Variants in CHURC1 observed in about 807,000 individuals in gnomAD.
CHURC1 encodes the protein protein Churchill.
Under a neutral mutation model 15.4 loss-of-function variants are expected in CHURC1, and 12 were observed. The observed-to-expected ratio is 0.78, with a 90% CI of 0.50 to 1.27. CHURC1 has a LOEUF of 1.27. Among genes scored for constraint, CHURC1 ranks in the 50% most tolerant of loss-of-function variants. The pLI, the probability that CHURC1 is intolerant of heterozygous loss-of-function variation, is 0.00. For missense variants in CHURC1, 132 were observed against 137.8 expected, an observed-to-expected ratio of 0.96 and a Z score of 0.21; for synonymous variants, 42 against 47.5, an observed-to-expected ratio of 0.88 and a Z score of 0.48.
rs1885212280 is a variant in CHURC1, at chr14:64,934,015, C to T, written c.*1785C>T. 2 of 974,902 alleles carry T rather than the reference C, an allele frequency of 2.1e-6. No individual in the cohort carries two copies. The highest frequency in any genetic ancestry group is 2.4e-6 in the Non-Finnish European group (2 of 827,670). The allele number at this position is 974,902 out of a possible 1,614,324, so 60.4% of individuals were successfully genotyped here. On this transcript the variant is annotated 3_prime_UTR_variant, in exon 4 of 4. Transcript: ENST00000549115. ...TTCACTATTCTTTATTTCAGTGTAG[C>T]ACTTTTAGAGCCAAAAAAACTCAGG...
In CHURC1 at chr14:64,925,690, C is replaced by T. The variant is rs538740272; in HGVS notation, c.176-320C>T. Among the ~76,000 whole-genome samples the T allele has an allele frequency of 1.5e-4, 17 of 110,904 alleles. No individual in the cohort carries two copies. In the East Asian group the frequency reaches 2.0e-3, roughly 13 times the overall value. 72.8% of individuals were successfully genotyped at this position (110,904 alleles called of 152,430 possible). A position where few individuals can be genotyped will look rare whatever the true frequency, so the allele number is the denominator to read the frequency against. On this transcript the variant is annotated intron_variant, in intron 2 of 3. Transcript: ENST00000549115. ...CCAGCCTGGGCAACAGAGTAAGACCCGGCCTCAAAAAAAAAAAAAAAAAAA... is the reference window on the plus strand; with the variant it reads ...CCAGCCTGGGCAACAGAGTAAGACCTGGCCTCAAAAAAAAAAAAAAAAAAA...
intron 3 of CHURC1, among the ~76,000 whole-genome samples, chr14:64,931,842 A>T (rs1376592857): frequency 2.6e-4 from 40 of 152,264 alleles, no homozygotes; most frequent in Admixed American, 2.6e-3. Context: ...ATTTGTCCAT[A>T]GGGACCCACA....
Position 64,932,586 on chromosome 14 carries a change from C to A in CHURC1, c.*356C>A. On this transcript the variant is annotated 3_prime_UTR_variant, in exon 4 of 4. Coordinates refer to ENST00000549115, the MANE Select transcript of CHURC1 (RefSeq NM_001386928.1). ...ACTGATTCTAGAACTGGGATATGAA[C>A]TGTACAAGATGAGCCTAGAGTATCT... 2.2e-6 allele frequency: 1 copy of A among 446,590 alleles called. No homozygotes were observed. The allele number at this position is 446,590 out of a possible 1,614,324, so 27.7% of individuals were successfully genotyped here. A position where few individuals can be genotyped will look rare whatever the true frequency, so the allele number is the denominator to read the frequency against.
chr14:64,932,023 C>T lies in CHURC1; in HGVS notation c.247-115C>T, dbSNP rs963191219. The T allele has an allele frequency of 2.7e-5, 35 of 1,310,756 alleles. No homozygotes were observed. The African/African-American group carries it at 4.9e-4, about 18-fold the overall frequency. The allele number at this position is 1,310,756 out of a possible 1,614,324, so 81.2% of individuals were successfully genotyped here. ...CTGATACATGTTGAAGAAATTGATC[C>T]AATGTACAGAAAGAATATTCATGAC... On this transcript the variant is annotated intron_variant, in intron 3 of 3. Transcript: ENST00000549115.
intron 1 of CHURC1, among the ~76,000 whole-genome samples, chr14:64,921,206 G>T (rs1263848511): frequency 6.6e-6 from 1 of 151,984 alleles, no homozygotes; most frequent in East Asian, 1.9e-4. Context: ...TTTCAAAATG[G>T]ATTATAAACC....
chr14:64,921,818 T>G (rs1178371404), intron 1 of CHURC1, among the ~76,000 whole-genome samples: 1 of 152,222 alleles, frequency 6.6e-6, no homozygotes, highest in Non-Finnish European at 1.5e-5. Context: ...AAGACATGTA[T>G]CCATCCAAGA....
chr14:64,921,259 G>A (rs548778112), intron 1 of CHURC1, among the ~76,000 whole-genome samples: 1 of 152,080 alleles, frequency 6.6e-6, no homozygotes, highest in South Asian at 2.1e-4. Flanking sequence ...AGAAAAAAAT[G>A]TAAGAAACTT....
At chr14:64,918,172 A>C (rs1189470921) in intron 1 of CHURC1, among the ~76,000 whole-genome samples, 1 of 152,242 alleles carries the variant, frequency 6.6e-6, no homozygotes, top group Admixed American at 6.5e-5. Context: ...TGCCTTTCAA[A>C]GGCACTTTTC....
At chr14:64,917,759 A>G (rs2139878567) in intron 1 of CHURC1, among the ~76,000 whole-genome samples, 1 of 152,314 alleles carries the variant, frequency 6.6e-6, no homozygotes, top group Non-Finnish European at 1.5e-5. Flanking sequence ...AACCTGTTTA[A>G]TGTAGAAGTG....
At chr14:64,923,661 C>G (rs1594895944) in intron 1 of CHURC1, among the ~76,000 whole-genome samples, 1 of 151,726 alleles carries the variant, frequency 6.6e-6, no homozygotes, top group African/African-American at 2.4e-5. Flanking sequence ...TTCTAATTTT[C>G]TATTTTCATA....
chr14:64,924,094 A>C lies in CHURC1; in HGVS notation c.143A>C (p.Glu48Ala), dbSNP rs765740634. ...FMLITNKSLK[E>A]EDGEEIVTYD... ...CTGATCACAAACAAATCCTTGAAAG[A>C]AGAAGATGGAGAAGAAATAGTTACC... Residue 48 changes from glutamate (E) to alanine (A), a missense_variant, in exon 2 of 4, where the codon GAA becomes GCA. By Grantham distance (107) the Glu-to-Ala change is moderately radical. Transcript: ENST00000549115. 1.2e-6 allele frequency: 2 copies of C among 1,609,148 alleles called. No homozygotes were observed. The highest frequency in any genetic ancestry group is 2.7e-5 in the African/African-American group (2 of 74,790).
chr14:64,916,448 T>C (rs1435805771), intron 1 of CHURC1, among the ~76,000 whole-genome samples: 1 of 152,244 alleles, frequency 6.6e-6, no homozygotes, highest in African/African-American at 2.4e-5. Context: ...TACTTTACTA[T>C]GTACTATTTC....
rs1282887052 is a variant in CHURC1 at position 64,933,205 on chromosome 14, A to T, written c.*975A>T. 4.9e-6 allele frequency: 1 copy of T among 205,442 alleles called. No individual in the cohort carries two copies. Among genetic ancestry groups the T allele is most frequent in the African/African-American group, 2.4e-5 (1 of 42,398 alleles). 12.7% of individuals were successfully genotyped at this position (205,442 alleles called of 1,614,324 possible). On this transcript the variant is annotated 3_prime_UTR_variant, in exon 4 of 4. Coordinates refer to ENST00000549115, the MANE Select transcript of CHURC1 (RefSeq NM_001386928.1). ...TATCAAGGCCATAAAAAACAAGGAAAATCTGAGACATGGTCACAGCCAAGA... is the reference window on the plus strand; with the variant it reads ...TATCAAGGCCATAAAAAACAAGGAATATCTGAGACATGGTCACAGCCAAGA...
intron 1 of CHURC1, among the ~76,000 whole-genome samples, chr14:64,915,103 C>T (rs1469396903): frequency 6.6e-6 from 1 of 152,216 alleles, no homozygotes; most frequent in East Asian, 1.9e-4. Context: ...CTCATTCATT[C>T]AAGGCATCCT....
intron 2 of CHURC1, among the ~76,000 whole-genome samples, chr14:64,925,401 G>A (rs565800018): frequency 2.8e-4 from 42 of 152,120 alleles, no homozygotes; most frequent in Non-Finnish European, 5.4e-4. Flanking sequence ...GGATGGGTGC[G>A]GTGGCTCACG....
At chr14:64,932,088 C>T (rs1348783792) in intron 3 of CHURC1, 50 bp from the exon 4 acceptor site, 2 of 1,583,152 alleles carry the variant, frequency 1.3e-6, no homozygotes, top group East Asian at 2.3e-5. Flanking sequence ...AGTTATAAAG[C>T]ATCTTTTTCC....
chr14:64,923,410 A>T (rs192214807), intron 1 of CHURC1, among the ~76,000 whole-genome samples: 8 of 152,278 alleles, frequency 5.3e-5, no homozygotes, highest in African/African-American at 1.9e-4. Context: ...CCATTGTGTC[A>T]GTCTTACGAA....
intron 2 of CHURC1, 86 bp downstream of exon 2, chr14:64,924,212 C>T: frequency 2.8e-6 from 4 of 1,429,244 alleles, no homozygotes; most frequent in Non-Finnish European, 3.7e-6. Context: ...ATTCTGAGGC[C>T]TATTTCAATA....
chr14:64,930,013 A>C (rs1202258030), intron 3 of CHURC1, among the ~76,000 whole-genome samples: 1 of 151,734 alleles, frequency 6.6e-6, no homozygotes, highest in Non-Finnish European at 1.5e-5. Flanking sequence ...ACTGCTTTCT[A>C]TTCCTCTGTG....
Sources: allele counts gnomAD v4.1 joint callset (sites outside exome capture counted in the v4.1 genomes callset), GRCh38; gene constraint gnomAD v4.1.1; transcripts MANE v1.5; gene names NCBI Gene and HGNC (gene_info 2026-07-23, HGNC 2026-07-21).